The following ACOT1 variants were observed in gnomAD, a reference collection of about 807,000 sequenced individuals.
ACOT1 encodes acyl-CoA thioesterase 1, also known as acyl-coenzyme A thioesterase 1.
A neutral mutation model predicts 15.7 loss-of-function variants in ACOT1; 8 were observed. That is an observed-to-expected ratio of 0.51 (90% CI 0.30 to 0.92). ACOT1 has a LOEUF of 0.92. Ranked by LOEUF, ACOT1 falls within the 40% of genes least tolerant of loss-of-function variation. ACOT1 has a pLI of 0.06. For synonymous variants in ACOT1, 67 were observed against 241.2 expected (o/e 0.28, Z 6.69); for missense variants, 151 against 539.4 (o/e 0.28, Z 7.13).
intron 1 of ACOT1, among the ~76,000 whole-genome samples, chr14:73,538,811 T>C (rs1888973879): frequency 9.0e-6 from 1 of 110,888 alleles, no homozygotes; most frequent in South Asian, 2.9e-4. Context: ...CTACTAAAAA[T>C]ACAAAAATTA....
chr14:73,522,860 T>C, the ACOT1 span: 1 of 1,614,002 alleles, frequency 6.2e-7, no homozygotes, highest in Non-Finnish European at 8.5e-7. Flanking sequence ...GTCATTGGTA[T>C]TGTAGAGGTG....
chr14:73,502,940 G>C, the ACOT1 span: 2 of 1,613,974 alleles, frequency 1.2e-6, no homozygotes, highest in South Asian at 2.2e-5. Context: ...TTGCCCAAGC[G>C]CCTGTGCAGC....
upstream of ACOT1, among the ~76,000 whole-genome samples, chr14:73,536,195 GT>G (rs1443049254): frequency 1.8e-5 from 2 of 113,270 alleles, 1 homozygote; most frequent in Non-Finnish European, 3.8e-5. Flanking sequence ...GCAAACACAG[GT>G]TTTGTGAGTT....
At chr14:73,528,753 T>G in the ACOT1 span, among the ~76,000 whole-genome samples, 11 of 152,188 alleles carry the variant, frequency 7.2e-5, no homozygotes, top group Non-Finnish European at 1.5e-5. Context: ...AATATATGTG[T>G]GAGGAATTGT....
the ACOT1 span, among the ~76,000 whole-genome samples, chr14:73,524,304 AAAAAAAATAT>A: frequency 1.1e-5 from 1 of 93,778 alleles, no homozygotes; most frequent in Admixed American, 1.1e-4. Context: ...AAAAAAAAAA[AAAAAAAATAT>A]ATATATATAT....
the ACOT1 span, chr14:73,496,528 G>A: frequency 1.1e-6 from 1 of 888,634 alleles, no homozygotes; most frequent in Non-Finnish European, 1.9e-6. Flanking sequence ...GTACATGTTT[G>A]AGGAGGACAG....
At chr14:73,508,262 A>T in the ACOT1 span, 1 of 1,613,974 alleles carries the variant, frequency 6.2e-7, no homozygotes, top group African/African-American at 1.3e-5. Flanking sequence ...AGAGCCAAGC[A>T]CTGAGCTGCA....
chr14:73,509,810 C>CTATA, the ACOT1 span, among the ~76,000 whole-genome samples: 130 of 63,186 alleles, frequency 2.1e-3, 42 homozygotes, highest in Middle Eastern at 0.017. Context: ...CCCCATGAGC[C>CTATA]CATATATATA....
upstream of ACOT1, among the ~76,000 whole-genome samples, chr14:73,535,612 G>A (rs1199270402): frequency 3.7e-5 from 4 of 106,818 alleles, 1 homozygote; most frequent in African/African-American, 1.2e-4. Flanking sequence ...GGGACTACAG[G>A]CGCCTGCCAC....
At chr14:73,533,418 C>A (rs1309944248), upstream of ACOT1, among the ~76,000 whole-genome samples, 1 of 115,790 alleles carries the variant, frequency 8.6e-6, no homozygotes, top group African/African-American at 2.8e-5. Context: ...GTGGCTCAGG[C>A]CTGTAATCCC....
At chr14:73,519,572 C>T in the ACOT1 span, among the ~76,000 whole-genome samples, 7 of 151,964 alleles carry the variant, frequency 4.6e-5, no homozygotes, top group East Asian at 1.4e-3. Flanking sequence ...TGTAAGACCC[C>T]CGTCTCTACA....
At chr14:73,519,514 G>T in the ACOT1 span, among the ~76,000 whole-genome samples, 4 of 152,130 alleles carry the variant, frequency 2.6e-5, no homozygotes, top group Non-Finnish European at 4.4e-5. Flanking sequence ...GGGAGGCCGA[G>T]GTGGGTGGAT....
chr14:73,513,177 G>A, the ACOT1 span, among the ~76,000 whole-genome samples: 11 of 152,308 alleles, frequency 7.2e-5, no homozygotes, highest in South Asian at 2.1e-4. Context: ...AGATAGGGTC[G>A]CCTGGGTGCA....
At chr14:73,493,732 G>C in the ACOT1 span, among the ~76,000 whole-genome samples, 1 of 152,176 alleles carries the variant, frequency 6.6e-6, no homozygotes, top group Non-Finnish European at 1.5e-5. Context: ...CAGCTACTAG[G>C]GGGGCTGAGG....
upstream of ACOT1, among the ~76,000 whole-genome samples, chr14:73,535,462 CTTCTTTCTTTTTTTTTTTTTTTTTTT>C (rs1348001175): frequency 2.0e-3 from 121 of 59,328 alleles, 28 homozygotes; most frequent in African/African-American, 4.5e-3. Flanking sequence ...TTTTCTTTTT[CTTCTTTCTTTTTTTTTTTTTTTTTTT>C]TTTTTTTTTT....
At chr14:73,513,600 G>A in the ACOT1 span, among the ~76,000 whole-genome samples, 7 of 151,846 alleles carry the variant, frequency 4.6e-5, no homozygotes, top group African/African-American at 1.7e-4. Flanking sequence ...GGTGGCGGGT[G>A]CCTGTAATCC....
the ACOT1 span, chr14:73,492,067 G>A: frequency 6.2e-7 from 1 of 1,614,028 alleles, no homozygotes; most frequent in Non-Finnish European, 8.5e-7. This position sits in a 1 kb window ranked among gnomAD's most constrained non-coding sequence, Gnocchi z 4.9. Flanking sequence ...TCGTGCTGCA[G>A]CTGGAAGGTA....
the ACOT1 span, chr14:73,493,339 G>T: frequency 3.9e-6 from 2 of 511,178 alleles, no homozygotes; most frequent in Non-Finnish European, 7.1e-6. Flanking sequence ...TATCCTGTTT[G>T]TTATTGTTAA....
At chr14:73,498,219 C>T in the ACOT1 span, 2 of 1,614,074 alleles carry the variant, frequency 1.2e-6, no homozygotes, top group Non-Finnish European at 8.5e-7. Context: ...ACCCGGTCCC[C>T]TTGAAGTTTC....
Sources: gnomAD v4.1 joint callset for allele counts (sites outside exome capture counted in the v4.1 genomes callset) on GRCh38, gnomAD v4.1.1 for gene constraint, Gnocchi (gnomAD v3.1) non-coding constraint, MANE v1.5 for transcripts, NCBI Gene and HGNC (gene_info 2026-07-23, HGNC 2026-07-21) for gene names.